Variants in SHISA9 observed in about 807,000 individuals in gnomAD.
The protein encoded by SHISA9 is protein shisa-9.
SHISA9 carries 13 observed loss-of-function variants against 38.0 expected under a neutral mutation model. The ratio of observed to expected loss-of-function variants is 0.34; its 90% confidence interval spans 0.22 to 0.54. SHISA9 has a LOEUF of 0.54. Ranked by LOEUF, SHISA9 falls within the 20% of genes least tolerant of loss-of-function variation. SHISA9 has a pLI of 0.91. For missense variants in SHISA9, 538 were observed against 575.8 expected, an observed-to-expected ratio of 0.93 and a Z score of 0.67; for synonymous variants, 275 against 242.0, an observed-to-expected ratio of 1.14 and a Z score of -1.27.
intron 2 of SHISA9, among the ~76,000 whole-genome samples, chr16:13,187,337 T>C (rs377613058): frequency 0.15 from 20,454 of 137,152 alleles, 1,687 homozygotes; most frequent in Middle Eastern, 0.23. Flanking sequence ...TCTTTTTTTT[T>C]TTTTTTTTTT....
At chr16:13,435,645 C>A in the SHISA9 span, among the ~76,000 whole-genome samples, 1 of 152,186 alleles carries the variant, frequency 6.6e-6, no homozygotes, top group Admixed American at 6.5e-5. Context: ...ATCCTACAGC[C>A]TCTGATGTTA....
chr16:13,456,571 T>G, the SHISA9 span, among the ~76,000 whole-genome samples: 1 of 152,240 alleles, frequency 6.6e-6, no homozygotes, highest in African/African-American at 2.4e-5. Context: ...TACTGGGATG[T>G]AATTTCCAAA....
the SHISA9 span, among the ~76,000 whole-genome samples, chr16:13,489,241 G>A: frequency 2.0e-5 from 3 of 151,940 alleles, no homozygotes; most frequent in East Asian, 5.8e-4. Context: ...GTTGAAGCAG[G>A]GTCTCACCAT....
chr16:13,072,046 C>T (rs2073525195), intron 2 of SHISA9, among the ~76,000 whole-genome samples: 5 of 152,184 alleles, frequency 3.3e-5, no homozygotes, highest in Admixed American at 3.3e-4. Flanking sequence ...GAGAACTCCG[C>T]TTCTCTGCAG....
the SHISA9 span, among the ~76,000 whole-genome samples, chr16:13,414,960 G>T: frequency 2.0e-5 from 3 of 152,150 alleles, no homozygotes; most frequent in African/African-American, 7.2e-5. Flanking sequence ...ACAGCAAAAG[G>T]ACAGCAATGT....
intron 2 of SHISA9, among the ~76,000 whole-genome samples, chr16:13,089,724 C>T (rs370644122): frequency 4.6e-5 from 7 of 152,002 alleles, no homozygotes; most frequent in African/African-American, 1.7e-4. Context: ...AGTGGTCTAT[C>T]AATTTTGTTG....
chr16:13,132,355 A>G (rs1039834832), intron 2 of SHISA9, among the ~76,000 whole-genome samples: 4 of 150,570 alleles, frequency 2.7e-5, no homozygotes, highest in Non-Finnish European at 4.4e-5. Flanking sequence ...TGCTGCTAAT[A>G]TTATTATTTT....
At chr16:13,234,882 TG>T in intron 4 of SHISA9, 147 bp from the exon 5 acceptor site, 1 of 885,712 alleles carries the variant, frequency 1.1e-6, no homozygotes, top group Non-Finnish European at 1.7e-6. Context: ...TTGTTCTAGG[TG>T]GAGTTTCTAG....
At chr16:13,052,055 G>A (rs367804952) in intron 2 of SHISA9, among the ~76,000 whole-genome samples, 12 of 152,102 alleles carry the variant, frequency 7.9e-5, no homozygotes, top group Non-Finnish European at 1.3e-4. Flanking sequence ...CAACCACTGC[G>A]CCCGGCCTAG....
intron 2 of SHISA9, among the ~76,000 whole-genome samples, chr16:12,952,922 C>T (rs1312361262): frequency 1.3e-5 from 2 of 152,122 alleles, no homozygotes; most frequent in African/African-American, 4.8e-5. Flanking sequence ...TATTGAACAC[C>T]TACTATGTAC....
chr16:13,121,824 TACACACATACAC>T (rs2050213267), intron 2 of SHISA9, among the ~76,000 whole-genome samples: 3 of 90,264 alleles, frequency 3.3e-5, no homozygotes, highest in Non-Finnish European at 6.4e-5. Flanking sequence ...TAAACACCTA[TACACACATACAC>T]ACACACACAC....
At chr16:13,297,708 C>T in the SHISA9 span, among the ~76,000 whole-genome samples, 1 of 152,148 alleles carries the variant, frequency 6.6e-6, no homozygotes, top group Non-Finnish European at 1.5e-5. Flanking sequence ...AGTTGAACTT[C>T]AGGTGCTCCC....
intron 2 of SHISA9, among the ~76,000 whole-genome samples, chr16:13,019,462 T>C (rs12922523): frequency 0.22 from 33,208 of 151,976 alleles, 3,870 homozygotes; most frequent in East Asian, 0.43. Flanking sequence ...GCGTCTCTTT[T>C]TTTTTTCAGA....
chr16:13,258,942 C>G, the SHISA9 span, among the ~76,000 whole-genome samples: 162 of 152,272 alleles, frequency 1.1e-3, no homozygotes, highest in Admixed American at 2.6e-3. Context: ...CATGTCTTCA[C>G]ATTTCAAAAC....
chr16:13,167,060 TC>T (rs1567233120), intron 2 of SHISA9, among the ~76,000 whole-genome samples: 8 of 143,932 alleles, frequency 5.6e-5, no homozygotes, highest in South Asian at 4.5e-4. Flanking sequence ...CTTCTCTCTC[TC>T]TCTCTTTTTT....
At chr16:12,925,114 A>T (rs1052291135) in intron 2 of SHISA9, among the ~76,000 whole-genome samples, 8 of 152,242 alleles carry the variant, frequency 5.3e-5, no homozygotes, top group Admixed American at 2.0e-4. Context: ...TTGTCTTCAC[A>T]GTGAAAATGT....
chr16:12,909,701 G>A lies in SHISA9; in HGVS notation c.564-6987G>A, dbSNP rs1208341566. On this transcript the variant is annotated intron_variant, in intron 1 of 4. Transcript: ENST00000558583. The stretch of plus-strand genomic sequence containing the variant: ...CCAGGCTTAGTTGCTTCCCACCCCA[G>A]CCTGACACACTCCAGCCCATCACCC... The A allele has an allele frequency of 7.2e-6, 4 of 553,028 alleles. No homozygotes were observed. The South Asian group carries it at 2.4e-4, about 33-fold the overall frequency. 34.3% of individuals were successfully genotyped at this position (553,028 alleles called of 1,614,324 possible).
At chr16:13,066,700 C>T (rs1048528182) in intron 2 of SHISA9, among the ~76,000 whole-genome samples, 4 of 152,210 alleles carry the variant, frequency 2.6e-5, no homozygotes, top group African/African-American at 4.8e-5. Context: ...AAGTACCTGG[C>T]ATCATGCCTG....
At chr16:12,953,442 C>G (rs2071787037) in intron 2 of SHISA9, among the ~76,000 whole-genome samples, 1 of 152,250 alleles carries the variant, frequency 6.6e-6, no homozygotes, top group African/African-American at 2.4e-5. Flanking sequence ...TTCATCAGTG[C>G]TAGGATGGAC....
Sources: gnomAD v4.1 joint callset for allele counts (sites outside exome capture counted in the v4.1 genomes callset) on GRCh38, gnomAD v4.1.1 for gene constraint, MANE v1.5 for transcripts, NCBI Gene and HGNC (gene_info 2026-07-23, HGNC 2026-07-21) for gene names.